PRICKLE2: variants seen among roughly 807,000 people sequenced by gnomAD.
PRICKLE2 encodes the protein prickle-like protein 2.
PRICKLE2 carries 21 observed loss-of-function variants against 81.4 expected under a neutral mutation model. That is an observed-to-expected ratio of 0.26 (90% confidence interval 0.18 to 0.37). The LOEUF (loss-of-function observed/expected upper bound fraction) is 0.37, where lower values mean the gene tolerates loss of function less well. PRICKLE2 is among the 10% of genes least tolerant of loss of function. The pLI, the probability that PRICKLE2 is intolerant of heterozygous loss-of-function variation, is 1.00. For synonymous variants in PRICKLE2, 456 were observed against 421.5 expected (o/e 1.08, Z -1.00); for missense variants, 940 against 1,109.0 (o/e 0.85, Z 2.16).
chr3:64,159,121 G>C (rs2107037751), intron 4 of PRICKLE2, among the ~76,000 whole-genome samples: 1 of 152,280 alleles, frequency 6.6e-6, no homozygotes, highest in South Asian at 2.1e-4. Context: ...GCACTCAACA[G>C]GAGCAGAGGA....
intron 2 of PRICKLE2, among the ~76,000 whole-genome samples, chr3:64,231,150 A>G (rs908624153): frequency 2.0e-5 from 3 of 152,206 alleles, no homozygotes; most frequent in Admixed American, 2.0e-4. Flanking sequence ...ATAATCTAAC[A>G]CACAAAATTT....
At chr3:64,152,980 G>T (rs563657793) in intron 6 of PRICKLE2, among the ~76,000 whole-genome samples, 3 of 152,306 alleles carry the variant, frequency 2.0e-5, no homozygotes, top group African/African-American at 7.2e-5. Flanking sequence ...AATCGGTTTT[G>T]TCTGAACCCT....
At chr3:64,144,267 C>T (rs1273133047) in intron 7 of PRICKLE2, among the ~76,000 whole-genome samples, 1 of 152,224 alleles carries the variant, frequency 6.6e-6, no homozygotes, top group Non-Finnish European at 1.5e-5. Context: ...AATCCCTGCT[C>T]TACCACTCTG....
chr3:64,110,713 G>A (rs143102839), intron 7 of PRICKLE2, among the ~76,000 whole-genome samples: 10 of 152,084 alleles, frequency 6.6e-5, no homozygotes, highest in African/African-American at 1.7e-4. Context: ...TAGAGAAGGT[G>A]CCACGAGCTC....
intron 2 of PRICKLE2, among the ~76,000 whole-genome samples, chr3:64,239,496 T>G (rs2079230504): frequency 6.6e-6 from 1 of 152,226 alleles, no homozygotes; most frequent in African/African-American, 2.4e-5. Context: ...GAGCCAAATC[T>G]GAGCCACCAG....
chr3:64,198,232 A>G (rs1181478862), intron 2 of PRICKLE2, among the ~76,000 whole-genome samples: 1 of 143,028 alleles, frequency 7.0e-6, no homozygotes, highest in Admixed American at 6.8e-5. Context: ...ATAAATAAAT[A>G]AATAAATAAA....
intron 2 of PRICKLE2, among the ~76,000 whole-genome samples, chr3:64,190,554 T>C (rs912912789): frequency 6.6e-6 from 1 of 152,236 alleles, no homozygotes; most frequent in Non-Finnish European, 1.5e-5. Context: ...ATAGTAGGTA[T>C]AAAATAAATA....
chr3:64,145,724 G>A (rs2077439374), intron 7 of PRICKLE2: 1 of 151,978 alleles, frequency 6.6e-6, no homozygotes, highest in South Asian at 2.1e-4. Context: ...AGTCTCAGAA[G>A]CTGTCATGGA....
At chr3:64,200,657 C>T (rs1271305146) in intron 1 of PRICKLE2, 2 of 151,732 alleles carry the variant, frequency 1.3e-5, no homozygotes, top group African/African-American at 4.8e-5. Context: ...ACTCTGTCGC[C>T]CAGGCTGGAG....
chr3:64,161,316 C>T (rs771577050), intron 3 of PRICKLE2, among the ~76,000 whole-genome samples: 4 of 152,170 alleles, frequency 2.6e-5, no homozygotes, highest in African/African-American at 7.2e-5. Flanking sequence ...GTCCTAATCC[C>T]GTCTCCTGTT....
chr3:64,168,746 G>C (rs945655586), intron 2 of PRICKLE2, among the ~76,000 whole-genome samples: 1 of 152,136 alleles, frequency 6.6e-6, no homozygotes, highest in Non-Finnish European at 1.5e-5. Flanking sequence ...GGATGGGAAA[G>C]AAGGAAGAAA....
In PRICKLE2 at chr3:64,119,273, G is replaced by A. The variant is rs138251030; in HGVS notation, c.1661-19348C>T. 3.5e-3 allele frequency among the ~76,000 whole-genome samples: 530 copies of A among 152,206 alleles called. 1 individual carries two copies. Among genetic ancestry groups the A allele is most frequent in the African/African-American group, 0.012 (518 of 41,526 alleles). Reference sequence around the variant, plus strand: ...ATGAAAAATAACTAACGGGTACTAGGCTTAATAGCTGGGTGATGAAATAAT... The same window carrying A: ...ATGAAAAATAACTAACGGGTACTAGACTTAATAGCTGGGTGATGAAATAAT... On this transcript the variant is annotated intron_variant, in intron 7 of 7. Transcript: ENST00000638394.
At chr3:64,167,043 A>G (rs2077845961) in intron 2 of PRICKLE2, among the ~76,000 whole-genome samples, 1 of 152,234 alleles carries the variant, frequency 6.6e-6, no homozygotes, top group Non-Finnish European at 1.5e-5. Context: ...CAGTGAAACT[A>G]CTGTATGGCC....
chr3:64,179,019 C>G (rs539842978), intron 2 of PRICKLE2, among the ~76,000 whole-genome samples: 1 of 132,238 alleles, frequency 7.6e-6, no homozygotes. Flanking sequence ...TTCTTTCTTT[C>G]TTTCTTTCTT....
chr3:64,159,783 C>G (rs2077699903), intron 4 of PRICKLE2, 157 bp downstream of exon 4: 1 of 885,160 alleles, frequency 1.1e-6, no homozygotes, highest in African/African-American at 1.6e-5. Flanking sequence ...CCCCTAGAAT[C>G]CAACTCCTTA....
At chr3:64,248,726 T>C (rs2079397235) in intron 2 of PRICKLE2, among the ~76,000 whole-genome samples, 1 of 150,436 alleles carries the variant, frequency 6.6e-6, no homozygotes, top group South Asian at 2.1e-4. Context: ...ATGTGGCAAA[T>C]CTTTGATCCT....
chr3:64,153,390 G>C lies in PRICKLE2; in HGVS notation c.601-22C>G, dbSNP rs769898042. On this transcript the variant is annotated intron_variant, in intron 5 of 7. Coordinates refer to ENST00000638394, the MANE Select transcript of PRICKLE2 (RefSeq NM_198859.4). Reference sequence around the variant, plus strand: ...TGATCTGGAGATGGGGAAGCCAAATGGTCAGTGTGTAAAACCCATCCAGAA... The same window carrying C: ...TGATCTGGAGATGGGGAAGCCAAATCGTCAGTGTGTAAAACCCATCCAGAA... 1.9e-6 allele frequency: 3 copies of C among 1,612,652 alleles called. No homozygotes were observed. In the Admixed American group the frequency reaches 5.0e-5, roughly 27 times the overall value.
intron 2 of PRICKLE2, among the ~76,000 whole-genome samples, chr3:64,198,139 G>A (rs1337876466): frequency 6.6e-6 from 1 of 151,954 alleles, no homozygotes; most frequent in Non-Finnish European, 1.5e-5. Flanking sequence ...GTGAACCCGG[G>A]AGGCAGAGCT....
rs1404448915 is a variant in PRICKLE2 at position 64,146,979 on chromosome 3, T to C, written c.1511A>G (p.Glu504Gly). The stretch of plus-strand genomic sequence containing the variant: ...GCCCCCTTCCTCTTCCTCTTCCTCC[T>C]CATATTTGGGGACTTGGATGCTGCC... ...TRGSIQVPKY[E>G]EEEEEEGGLS... The change falls in exon 7 of 8, where the codon GAG becomes GGG. Residue 504 changes from glutamate to glycine, a missense_variant. Around this residue, in one of 2 missense-constraint regions of PRICKLE2, gnomAD observed 670 missense variants for 717.2 expected, o/e 0.93. Coordinates refer to ENST00000638394, the MANE Select transcript of PRICKLE2 (RefSeq NM_198859.4). 1 of 1,613,982 alleles carries C rather than the reference T, an allele frequency of 6.2e-7. No individual in the cohort carries two copies. Among genetic ancestry groups the C allele is most frequent in the African/African-American group, 1.3e-5 (1 of 74,902 alleles).
Sources: gnomAD v4.1 joint callset for allele counts (sites outside exome capture counted in the v4.1 genomes callset) on GRCh38, gnomAD v4.1.1 for gene constraint, gnomAD v4.1.1 regional missense constraint, MANE v1.5 for transcripts, NCBI Gene and HGNC (gene_info 2026-07-23, HGNC 2026-07-21) for gene names.